Variants in TSHZ3 observed in about 807,000 individuals in gnomAD.
TSHZ3 encodes teashirt homolog 3.
A neutral mutation model predicts 64.5 loss-of-function variants in TSHZ3; 10 were observed. The ratio of observed to expected loss-of-function variants is 0.16; its 90% confidence interval spans 0.10 to 0.26. The LOEUF is 0.26. Among genes scored for constraint, TSHZ3 ranks in the 10% least tolerant of loss-of-function variants. TSHZ3 has a pLI of 1.00. For missense variants in TSHZ3, 1,242 were observed against 1,421.7 expected (o/e 0.87, Z 2.03); for synonymous variants, 608 against 593.1 (o/e 1.03, Z -0.36).
chr19:31,247,520 G>A (rs56808883), intron 1 of TSHZ3, among the ~76,000 whole-genome samples: 5,332 of 152,160 alleles, frequency 0.035, 318 homozygotes, highest in African/African-American at 0.12. Context: ...CCTCAAAAAC[G>A]TCAGTGTCAT....
At chr19:31,327,231 G>C (rs750001747) in intron 1 of TSHZ3, among the ~76,000 whole-genome samples, 4 of 152,188 alleles carry the variant, frequency 2.6e-5, no homozygotes, top group Non-Finnish European at 5.9e-5. Flanking sequence ...CTTCTTCCCT[G>C]AGACCTGTAG....
intron 1 of TSHZ3, among the ~76,000 whole-genome samples, chr19:31,287,640 GGAGA>G (rs1976486447): frequency 6.6e-6 from 1 of 152,124 alleles, no homozygotes; most frequent in African/African-American, 2.4e-5. Flanking sequence ...CTGGCGTAGG[GGAGA>G]GAGAGGCCAC....
At chr19:31,242,339 T>C (rs1046168830) in exon 3 of TSHZ3, among the ~76,000 whole-genome samples, 1 of 152,206 alleles carries the variant, frequency 6.6e-6, no homozygotes, top group Non-Finnish European at 1.5e-5. Flanking sequence ...GCCTGCAGCA[T>C]GGCTCAGTCC....
downstream of TSHZ3, among the ~76,000 whole-genome samples, chr19:31,274,008 C>A (rs1403702540): frequency 6.6e-6 from 1 of 151,926 alleles, no homozygotes; most frequent in Non-Finnish European, 1.5e-5. Flanking sequence ...GATGGAATGC[C>A]GAGAGAAAAC....
chr19:31,310,312 A>G (rs1206322316), intron 1 of TSHZ3, among the ~76,000 whole-genome samples: 2 of 152,044 alleles, frequency 1.3e-5, no homozygotes, highest in Non-Finnish European at 2.9e-5. Context: ...GGGGCAGATT[A>G]GAGGAGAAAA....
At chr19:31,215,600 T>A (rs1464872012) in intron 4 of TSHZ3, among the ~76,000 whole-genome samples, 2 of 152,232 alleles carry the variant, frequency 1.3e-5, no homozygotes, top group African/African-American at 4.8e-5. Flanking sequence ...AAGCTGGGTG[T>A]GGTGGCTCAC....
chr19:31,269,841 C>G (rs1305387925), intron 1 of TSHZ3, among the ~76,000 whole-genome samples: 1 of 152,226 alleles, frequency 6.6e-6, no homozygotes, highest in East Asian at 1.9e-4. Flanking sequence ...CCTGGGGCTT[C>G]AAAGGCCAGG....
intron 5 of TSHZ3, among the ~76,000 whole-genome samples, chr19:31,202,266 A>G (rs1975098697): frequency 6.6e-6 from 1 of 152,246 alleles, no homozygotes; most frequent in South Asian, 2.1e-4. Flanking sequence ...ATAACAATTT[A>G]GAAATCACTA....
intron 1 of TSHZ3, among the ~76,000 whole-genome samples, chr19:31,339,581 G>A (rs1230712123): frequency 6.6e-6 from 1 of 152,172 alleles, no homozygotes; most frequent in Admixed American, 6.5e-5. Flanking sequence ...AATGACATAT[G>A]TCATTCTGTC....
chr19:31,281,876 T>G (rs957029822), intron 1 of TSHZ3, among the ~76,000 whole-genome samples: 1 of 152,020 alleles, frequency 6.6e-6, no homozygotes, highest in African/African-American at 2.4e-5. Context: ...ACAGCCGAGG[T>G]AGAATAACCA....
chr19:31,344,611 G>A (rs755060237), intron 1 of TSHZ3, among the ~76,000 whole-genome samples: 9 of 152,164 alleles, frequency 5.9e-5, no homozygotes, highest in African/African-American at 1.4e-4. Flanking sequence ...CCTGCCTGCC[G>A]CAGCCCTGGC....
At chr19:31,244,716 T>C (rs1975738181) in intron 1 of TSHZ3, among the ~76,000 whole-genome samples, 1 of 152,158 alleles carries the variant, frequency 6.6e-6, no homozygotes. Context: ...TGATCTCAGC[T>C]CATTGCTGCC....
intron 3 of TSHZ3, among the ~76,000 whole-genome samples, chr19:31,228,395 G>A (rs1458334661): frequency 6.6e-6 from 1 of 151,826 alleles, no homozygotes; most frequent in Non-Finnish European, 1.5e-5. Context: ...GCATGGTGGT[G>A]TGTGCCTGCA....
intron 5 of TSHZ3, among the ~76,000 whole-genome samples, chr19:31,190,518 A>G (rs1424704440): frequency 1.3e-5 from 2 of 152,174 alleles, no homozygotes; most frequent in African/African-American, 4.8e-5. Context: ...AAGCCTAAAA[A>G]CAAATCCTAA....
chr19:31,226,399 GT>G (rs1248323557), intron 4 of TSHZ3, among the ~76,000 whole-genome samples: 2 of 152,106 alleles, frequency 1.3e-5, no homozygotes, highest in Admixed American at 6.6e-5. Flanking sequence ...AGATCTGATT[GT>G]TTCATAAGGG....
At chr19:31,205,435 C>T (rs558047514) in intron 4 of TSHZ3, among the ~76,000 whole-genome samples, 1 of 152,192 alleles carries the variant, frequency 6.6e-6, no homozygotes, top group Non-Finnish European at 1.5e-5. Flanking sequence ...AATCTTTGAT[C>T]CACTTCTTTC....
At chr19:31,301,953 G>C (rs1196309074) in intron 1 of TSHZ3, among the ~76,000 whole-genome samples, 2 of 152,052 alleles carry the variant, frequency 1.3e-5, no homozygotes, top group East Asian at 3.9e-4. Flanking sequence ...AGGTCCCTAG[G>C]CGCCTGTTAC....
At chr19:31,308,983 A>G (rs1406644847) in intron 1 of TSHZ3, among the ~76,000 whole-genome samples, 1 of 152,204 alleles carries the variant, frequency 6.6e-6, no homozygotes, top group Non-Finnish European at 1.5e-5. Context: ...CGTCCTCCCC[A>G]AGGCCGGCCC....
At chr19:31,186,445 T>A (rs1974811712) in intron 5 of TSHZ3, among the ~76,000 whole-genome samples, 1 of 152,226 alleles carries the variant, frequency 6.6e-6, no homozygotes, top group Non-Finnish European at 1.5e-5. Context: ...TGCTCAGCAC[T>A]TCTTGCCACT....
Sources: allele counts gnomAD v4.1 joint callset (sites outside exome capture counted in the v4.1 genomes callset), GRCh38; gene constraint gnomAD v4.1.1; transcripts MANE v1.5; gene names NCBI Gene and HGNC (gene_info 2026-07-23, HGNC 2026-07-21).